Variants in TMTC2 observed in about 807,000 individuals in gnomAD.
TMTC2 encodes the protein protein O-mannosyl-transferase TMTC2.
TMTC2 carries 43 observed loss-of-function variants against 82.4 expected under a neutral mutation model. That is an observed-to-expected ratio of 0.52 (90% CI 0.41 to 0.67). The LOEUF is 0.67. TMTC2 is among the 30% of genes least tolerant of loss of function. The pLI, the probability that TMTC2 is intolerant of heterozygous loss-of-function variation, is 0.00. For missense variants in TMTC2, 919 were observed against 1,012.4 expected, an observed-to-expected ratio of 0.91 and a Z score of 1.25; for synonymous variants, 408 against 381.9, an observed-to-expected ratio of 1.07 and a Z score of -0.80.
chr12:82,757,243 G>A (rs895154410), intron 1 of TMTC2, among the ~76,000 whole-genome samples: 2 of 152,180 alleles, frequency 1.3e-5, no homozygotes, highest in African/African-American at 4.8e-5. Flanking sequence ...GAGGCTTAAG[G>A]AAGCATTCCT....
At position 83,002,826 on chromosome 12, in the gene TMTC2, C is replaced by T. The variant is rs149260303; in HGVS notation, c.2070+16780C>T. Reference sequence around the variant, plus strand: ...TTGAGACTTGTGTATGGCTGTGCATCTGGTCGCTCTTAGAGTATGTTCTAT... The same window carrying T: ...TTGAGACTTGTGTATGGCTGTGCATTTGGTCGCTCTTAGAGTATGTTCTAT... On this transcript the variant is annotated intron_variant, in intron 8 of 11. Coordinates refer to ENST00000321196, the MANE Select transcript of TMTC2 (RefSeq NM_152588.3). Among the ~76,000 whole-genome samples, 860 of 150,574 alleles carry T rather than the reference C, an allele frequency of 5.7e-3. 6 individuals are homozygous for T. The highest frequency in any genetic ancestry group is 0.02 in the African/African-American group (809 of 41,072).
At chr12:82,729,175 A>G (rs1874628604) in intron 1 of TMTC2, among the ~76,000 whole-genome samples, 1 of 152,208 alleles carries the variant, frequency 6.6e-6, no homozygotes, top group African/African-American at 2.4e-5. Context: ...GGGTGAAGCC[A>G]GTTGGGCTCC....
intron 11 of TMTC2, among the ~76,000 whole-genome samples, chr12:83,066,404 G>T (rs997550936): frequency 6.6e-6 from 1 of 151,920 alleles, no homozygotes; most frequent in Non-Finnish European, 1.5e-5. Flanking sequence ...GAAAGGAAGG[G>T]TATAGGGGAA....
chr12:83,116,436 C>T (rs1884764703), intron 11 of TMTC2, among the ~76,000 whole-genome samples: 1 of 152,160 alleles, frequency 6.6e-6, no homozygotes, highest in Non-Finnish European at 1.5e-5. Flanking sequence ...GATTTCTTTT[C>T]CTCTGGGTAG....
intron 11 of TMTC2, among the ~76,000 whole-genome samples, chr12:83,100,215 G>A (rs188761938): frequency 2.3e-4 from 35 of 152,074 alleles, no homozygotes; most frequent in Admixed American, 5.9e-4. Flanking sequence ...CCATCACTCC[G>A]GGCCTTCTCG....
intron 1 of TMTC2, among the ~76,000 whole-genome samples, chr12:82,740,585 T>A (rs1565729705): frequency 6.6e-6 from 1 of 152,200 alleles, no homozygotes; most frequent in Non-Finnish European, 1.5e-5. Flanking sequence ...TGGGTGTGTC[T>A]CGAATTCATT....
intron 3 of TMTC2, among the ~76,000 whole-genome samples, chr12:82,904,982 C>CTTT (rs370846723): frequency 4.5e-5 from 6 of 133,900 alleles, no homozygotes; most frequent in African/African-American, 1.6e-4. Flanking sequence ...TTTTTTGTTT[C>CTTT]TTTTTTTTTT....
intron 11 of TMTC2, among the ~76,000 whole-genome samples, chr12:83,070,150 C>G (rs1747837371): frequency 6.6e-6 from 1 of 152,000 alleles, no homozygotes; most frequent in African/African-American, 2.4e-5. Context: ...TTTACTTAGT[C>G]TTGCTTTGGC....
chr12:82,820,201 T>C (rs925784598), intron 1 of TMTC2, among the ~76,000 whole-genome samples: 2 of 152,106 alleles, frequency 1.3e-5, no homozygotes, highest in African/African-American at 2.4e-5. Context: ...CCCACCCAGA[T>C]TGAGGGTGAG....
chr12:83,101,982 A>G (rs1051954777), intron 11 of TMTC2, among the ~76,000 whole-genome samples: 2 of 152,212 alleles, frequency 1.3e-5, no homozygotes, highest in African/African-American at 4.8e-5. Flanking sequence ...GGGAAATTGC[A>G]TGGGGAAAGC....
intron 1 of TMTC2, among the ~76,000 whole-genome samples, chr12:82,853,207 A>G (rs1249720306): frequency 6.6e-6 from 1 of 152,030 alleles, no homozygotes; most frequent in Non-Finnish European, 1.5e-5. Flanking sequence ...GGTTCAAGCA[A>G]TTCTCCTGCC....
chr12:82,807,465 A>G (rs1879298662), intron 1 of TMTC2, among the ~76,000 whole-genome samples: 1 of 152,124 alleles, frequency 6.6e-6, no homozygotes, highest in Non-Finnish European at 1.5e-5. Context: ...CTAGGAGATA[A>G]AGTAGGTATT....
intron 1 of TMTC2, among the ~76,000 whole-genome samples, chr12:82,736,931 A>C (rs1875157090): frequency 6.6e-6 from 1 of 152,172 alleles, no homozygotes. Flanking sequence ...CTTACAAACT[A>C]ACAAATGCCC....
chr12:82,920,276 A>G (rs991571083), intron 3 of TMTC2, among the ~76,000 whole-genome samples: 2 of 152,176 alleles, frequency 1.3e-5, no homozygotes, highest in African/African-American at 2.4e-5. Context: ...AAATTGCAAT[A>G]GTTACTTCAG....
intron 1 of TMTC2, among the ~76,000 whole-genome samples, chr12:82,745,895 T>C (rs143554490): frequency 2.6e-5 from 4 of 152,254 alleles, no homozygotes; most frequent in African/African-American, 9.6e-5. Flanking sequence ...TACTGCAAAA[T>C]GATTGAGACT....
At chr12:82,687,820 C>G (rs1872397999) in intron 1 of TMTC2, 151 bp downstream of exon 1, 5 of 740,192 alleles carry the variant, frequency 6.8e-6, no homozygotes, top group South Asian at 3.8e-5. Context: ...ACACCTAAAT[C>G]AAACACCGGG....
chr12:82,938,246 G>A (rs541537842), intron 4 of TMTC2, among the ~76,000 whole-genome samples: 2 of 152,118 alleles, frequency 1.3e-5, no homozygotes, highest in South Asian at 4.2e-4. Flanking sequence ...GGGTATGAGA[G>A]ATGTTCTTGA....
chr12:82,717,422 G>T (rs1873954878), intron 1 of TMTC2, among the ~76,000 whole-genome samples: 1 of 151,842 alleles, frequency 6.6e-6, no homozygotes, highest in South Asian at 2.1e-4. Context: ...GTAGAGATGG[G>T]GTTTTACCAT....
chr12:82,713,205 C>G (rs1873719997), intron 1 of TMTC2, among the ~76,000 whole-genome samples: 1 of 151,988 alleles, frequency 6.6e-6, no homozygotes, highest in Non-Finnish European at 1.5e-5. Flanking sequence ...CCTGTAATCC[C>G]AGCTACTTGG....
Sources: gnomAD v4.1 joint callset for allele counts (sites outside exome capture counted in the v4.1 genomes callset) on GRCh38, gnomAD v4.1.1 for gene constraint, MANE v1.5 for transcripts, NCBI Gene and HGNC (gene_info 2026-07-23, HGNC 2026-07-21) for gene names.